Variants in WWOX observed in about 807,000 individuals in gnomAD.
The protein encoded by WWOX is WW domain-containing oxidoreductase.
In WWOX, 69 loss-of-function variants were observed where a neutral mutation model predicts 46.2. The ratio of observed to expected loss-of-function variants is 1.49; its 90% CI spans 1.23 to 1.82. WWOX has a LOEUF of 1.82. Among genes scored for constraint, WWOX ranks in the 40% most tolerant of loss-of-function variants. WWOX has a pLI of 0.00. For synonymous variants in WWOX, 359 were observed against 202.6 expected (o/e 1.77, Z -6.56); for missense variants, 919 against 542.6 (o/e 1.69, Z -6.89).
At chr16:78,984,830 G>A (rs937991169) in intron 8 of WWOX, among the ~76,000 whole-genome samples, 2 of 152,192 alleles carry the variant, frequency 1.3e-5, no homozygotes, top group East Asian at 1.9e-4. Flanking sequence ...TGCAGGGGAT[G>A]TAACAGAAAG....
chr16:78,484,829 G>A (rs941747582), intron 8 of WWOX, among the ~76,000 whole-genome samples: 1 of 152,152 alleles, frequency 6.6e-6, no homozygotes, highest in East Asian at 1.9e-4. Context: ...TGGGTGGGGT[G>A]GGGGGAAGCG....
At chr16:78,289,982 C>T (rs192500041) in intron 5 of WWOX, among the ~76,000 whole-genome samples, 1 of 152,242 alleles carries the variant, frequency 6.6e-6, no homozygotes, top group Admixed American at 6.5e-5. Context: ...GTACATCAGC[C>T]CGTGAATTTA....
At chr16:79,195,154 G>C (rs1387053510) in intron 8 of WWOX, among the ~76,000 whole-genome samples, 1 of 152,076 alleles carries the variant, frequency 6.6e-6, no homozygotes, top group Admixed American at 6.6e-5. Flanking sequence ...ATTTCTCTAA[G>C]TCCCCCAGCT....
chr16:78,409,887 T>G (rs2082636689), intron 6 of WWOX, among the ~76,000 whole-genome samples: 1 of 152,194 alleles, frequency 6.6e-6, no homozygotes, highest in Admixed American at 6.5e-5. Context: ...TCAGGACTGT[T>G]GTGATGACAC....
At chr16:78,884,317 G>A (rs984389642) in intron 8 of WWOX, among the ~76,000 whole-genome samples, 13 of 145,998 alleles carry the variant, frequency 8.9e-5, no homozygotes, top group Non-Finnish European at 1.7e-4. Context: ...TTAAGACTAT[G>A]ACTGGTCAAA....
intron 8 of WWOX, among the ~76,000 whole-genome samples, chr16:78,517,442 G>C (rs1199685376): frequency 6.6e-6 from 1 of 152,036 alleles, no homozygotes; most frequent in Non-Finnish European, 1.5e-5. Context: ...GTTTAAATAT[G>C]AATGTCTTGT....
chr16:78,237,833 T>A (rs967092175), intron 5 of WWOX, among the ~76,000 whole-genome samples: 4 of 152,258 alleles, frequency 2.6e-5, no homozygotes, highest in African/African-American at 9.6e-5. Flanking sequence ...ACCTCTGTAA[T>A]AGCCTCGGTT....
At chr16:78,679,875 G>A (rs71398104) in intron 8 of WWOX, among the ~76,000 whole-genome samples, 2 of 152,194 alleles carry the variant, frequency 1.3e-5, no homozygotes, top group African/African-American at 2.4e-5. Flanking sequence ...CATTTGCTTA[G>A]GTGGGCTCTG....
chr16:78,973,407 C>T (rs182542096), intron 8 of WWOX, among the ~76,000 whole-genome samples: 1 of 152,202 alleles, frequency 6.6e-6, no homozygotes, highest in East Asian at 1.9e-4. Context: ...CAGCACAATA[C>T]AGAGAACAGA....
At chr16:78,366,113 AATGTC>A (rs2081530544) in intron 5 of WWOX, among the ~76,000 whole-genome samples, 11 of 152,182 alleles carry the variant, frequency 7.2e-5, no homozygotes, top group African/African-American at 2.2e-4. Context: ...ATACTTGGGA[AATGTC>A]TAGAAACCCC....
At position 78,344,493 on chromosome 16, in the gene WWOX, G is replaced by C. The variant is rs1239509649; in HGVS notation, c.517-42367G>C. On this transcript the variant is annotated intron_variant, in intron 5 of 8. Coordinates refer to ENST00000566780, the MANE Select transcript of WWOX (RefSeq NM_016373.4). ...TGCTTAGATGGCTGGGTCTATACCAGGGTTTATTTAAATGAACACAGGAAA... is the reference window on the plus strand; with the variant it reads ...TGCTTAGATGGCTGGGTCTATACCACGGTTTATTTAAATGAACACAGGAAA... Among the ~76,000 whole-genome samples the C allele has an allele frequency of 7.4e-5, 9 of 121,104 alleles. 2 individuals are homozygous for C. The highest frequency in any genetic ancestry group is 2.5e-4 in the African/African-American group (9 of 35,692). 79.4% of individuals were successfully genotyped at this position (121,104 alleles called of 152,430 possible). A position where few individuals can be genotyped will look rare whatever the true frequency, so the allele number is the denominator to read the frequency against.
intron 8 of WWOX, among the ~76,000 whole-genome samples, chr16:78,892,753 A>T (rs923653673): frequency 6.6e-6 from 1 of 152,170 alleles, no homozygotes; most frequent in Non-Finnish European, 1.5e-5. Flanking sequence ...GGCATCCCAC[A>T]ACTTTCTAAC....
intron 8 of WWOX, among the ~76,000 whole-genome samples, chr16:78,547,151 A>C (rs902323593): frequency 3.4e-5 from 4 of 117,956 alleles, no homozygotes; most frequent in African/African-American, 8.1e-5. Flanking sequence ...AAAAAAAAAA[A>C]AAAAAAAACA....
chr16:78,527,991 CTTTTTTTTTTTTTTTTTTT>C, intron 8 of WWOX, among the ~76,000 whole-genome samples: 1 of 34,886 alleles, frequency 2.9e-5, no homozygotes, highest in Admixed American at 5.0e-4. Flanking sequence ...GGTACATGTC[CTTTTTTTTTTTTTTTTTTT>C]TTTTTTGAGA....
chr16:78,924,060 AC>A (rs2045442628), intron 8 of WWOX, among the ~76,000 whole-genome samples: 1 of 151,500 alleles, frequency 6.6e-6, no homozygotes, highest in African/African-American at 2.4e-5. Context: ...TCGTGATTCC[AC>A]CCACCTTGGC....
chr16:78,576,163 A>G (rs1187055742), intron 8 of WWOX, among the ~76,000 whole-genome samples: 1 of 152,192 alleles, frequency 6.6e-6, no homozygotes, highest in Non-Finnish European at 1.5e-5. Context: ...AGAAACTTCA[A>G]TATGCTATGC....
intron 5 of WWOX, among the ~76,000 whole-genome samples, chr16:78,255,114 A>T (rs187082144): frequency 2.0e-4 from 30 of 152,290 alleles, no homozygotes; most frequent in African/African-American, 7.2e-4. Context: ...TTATTTTTAC[A>T]AGTCTTTTCC....
chr16:78,961,671 C>T (rs2046273656), intron 8 of WWOX, among the ~76,000 whole-genome samples: 1 of 152,124 alleles, frequency 6.6e-6, no homozygotes. Context: ...GCAAGAGAAT[C>T]CCCAAGGTGA....
rs1315934801 is a variant in WWOX, at chr16:78,099,821, G to C, written c.43G>C (p.Glu15Gln). The C allele has an allele frequency of 6.3e-7, 1 of 1,580,294 alleles. No homozygotes were observed. The highest frequency in any genetic ancestry group is 1.4e-5 in the African/African-American group (1 of 73,864). ...RYAGLDDTDSEDELPPGWEER... is the reference protein window; with the variant it reads ...RYAGLDDTDSQDELPPGWEER... ...CGCGGGGCTGGACGACACGGACAGTGAGGACGAGCTGCCTCCGGGCTGGGA... is the reference window on the plus strand; with the variant it reads ...CGCGGGGCTGGACGACACGGACAGTCAGGACGAGCTGCCTCCGGGCTGGGA... Residue 15 changes from glutamate to glutamine, a missense_variant, in exon 1 of 9, where the codon GAG becomes CAG. Physicochemically the swap from Glu to Gln is conservative, Grantham distance 29. Transcript: ENST00000566780.
Sources: allele counts gnomAD v4.1 joint callset (sites outside exome capture counted in the v4.1 genomes callset), GRCh38; gene constraint gnomAD v4.1.1; transcripts MANE v1.5; gene names NCBI Gene and HGNC (gene_info 2026-07-23, HGNC 2026-07-21).